The following SSBP3 variants were observed in gnomAD, a reference collection of about 807,000 sequenced individuals.
The protein encoded by SSBP3 is single-stranded DNA-binding protein 3.
In SSBP3, 5 loss-of-function variants were observed where a neutral mutation model predicts 69.6. That is an observed-to-expected ratio of 0.07 (90% CI 0.04 to 0.15). The LOEUF (loss-of-function observed/expected upper bound fraction) is 0.15, where lower values mean the gene tolerates loss of function less well. SSBP3 is among the 10% of genes least tolerant of loss of function. SSBP3 has a pLI of 1.00. For synonymous variants in SSBP3, 196 were observed against 193.4 expected, an observed-to-expected ratio of 1.01 and a Z score of -0.11; for missense variants, 312 against 534.0, an observed-to-expected ratio of 0.58 and a Z score of 4.10.
intron 4 of SSBP3, among the ~76,000 whole-genome samples, chr1:54,342,759 T>C (rs1458794552): frequency 6.6e-6 from 1 of 152,036 alleles, no homozygotes; most frequent in African/African-American, 2.4e-5. Flanking sequence ...TGTGTAAAAA[T>C]TATGTGAGGT....
intron 9 of SSBP3, among the ~76,000 whole-genome samples, chr1:54,245,633 G>GCTGA (rs1644721648): frequency 6.6e-6 from 1 of 152,224 alleles, no homozygotes; most frequent in Admixed American, 6.5e-5. Flanking sequence ...CACCAGGCTG[G>GCTGA]CTGACAAAGA....
chr1:54,241,574 CCT>C (rs1164539219), intron 11 of SSBP3, 65 bp from the exon 12 acceptor site: 2 of 1,532,956 alleles, frequency 1.3e-6, no homozygotes, highest in East Asian at 4.5e-5. Context: ...GCCAAACCTC[CCT>C]GAGGACACGA....
intron 4 of SSBP3, among the ~76,000 whole-genome samples, chr1:54,285,716 A>G (rs1227704747): frequency 6.6e-6 from 1 of 152,158 alleles, no homozygotes; most frequent in Non-Finnish European, 1.5e-5. Flanking sequence ...AAAGCGTCTC[A>G]TGAGTTTTCC....
At chr1:54,319,467 G>A (rs1008415320) in intron 4 of SSBP3, among the ~76,000 whole-genome samples, 6 of 152,156 alleles carry the variant, frequency 3.9e-5, no homozygotes, top group African/African-American at 1.4e-4. Context: ...GGGGAAGGAC[G>A]GGAAGCAGAA....
At chr1:54,370,473 G>A (rs926168062) in intron 4 of SSBP3, among the ~76,000 whole-genome samples, 4 of 152,208 alleles carry the variant, frequency 2.6e-5, no homozygotes, top group South Asian at 4.1e-4. Flanking sequence ...GAGGAATGCC[G>A]GAGTATGTGC....
intron 4 of SSBP3, among the ~76,000 whole-genome samples, chr1:54,314,744 G>A (rs1646065488): frequency 6.6e-6 from 1 of 152,196 alleles, no homozygotes; most frequent in Non-Finnish European, 1.5e-5. Context: ...TGGAGAGTGA[G>A]CTGCCTAGTT....
chr1:54,395,433 G>A (rs999909019), intron 4 of SSBP3, among the ~76,000 whole-genome samples: 5 of 152,234 alleles, frequency 3.3e-5, no homozygotes, highest in African/African-American at 1.2e-4. Flanking sequence ...GCCATATGCA[G>A]GAGTGGGACA....
intron 5 of SSBP3, among the ~76,000 whole-genome samples, chr1:54,260,792 A>T (rs1557471501): frequency 6.6e-6 from 1 of 152,248 alleles, no homozygotes; most frequent in Admixed American, 6.5e-5. Context: ...AAGAGCAGCT[A>T]GAAGTCTTCC....
chr1:54,234,127 T>C (rs542329793), intron 14 of SSBP3, among the ~76,000 whole-genome samples: 72 of 151,574 alleles, frequency 4.8e-4, no homozygotes, highest in African/African-American at 1.5e-3. Context: ...ATGTGCTTTG[T>C]TAAACAGATG....
chr1:54,386,568 C>T (rs1390004620), intron 4 of SSBP3, among the ~76,000 whole-genome samples: 2 of 152,004 alleles, frequency 1.3e-5, no homozygotes, highest in African/African-American at 2.4e-5. Context: ...AACGACACAG[C>T]ATCCGCCAGA....
chr1:54,259,559 T>C (rs1051237077), intron 5 of SSBP3, among the ~76,000 whole-genome samples: 10 of 152,216 alleles, frequency 6.6e-5, no homozygotes, highest in Non-Finnish European at 1.0e-4. Flanking sequence ...GGTTGGTTTT[T>C]AGAAAAATTC....
At chr1:54,324,118 A>T (rs1353125053) in intron 4 of SSBP3, among the ~76,000 whole-genome samples, 1 of 152,210 alleles carries the variant, frequency 6.6e-6, no homozygotes, top group Non-Finnish European at 1.5e-5. Flanking sequence ...GTTAGTGAGC[A>T]AGGAATGCTG....
At chr1:54,344,956 C>A (rs113981097) in intron 4 of SSBP3, among the ~76,000 whole-genome samples, 152 of 152,310 alleles carry the variant, frequency 1.0e-3, no homozygotes, top group African/African-American at 3.5e-3. Flanking sequence ...GCATTTGGTG[C>A]GTGTGGTTTT....
At chr1:54,243,411 T>A in intron 9 of SSBP3, 112 bp from the exon 10 acceptor site, 1 of 1,319,292 alleles carries the variant, frequency 7.6e-7, no homozygotes. Flanking sequence ...TGAAAAGGAT[T>A]GATGAGAAAA....
At chr1:54,370,794 A>C (rs996475416) in intron 4 of SSBP3, among the ~76,000 whole-genome samples, 1 of 152,098 alleles carries the variant, frequency 6.6e-6, no homozygotes, top group African/African-American at 2.4e-5. Context: ...CTTCCAAATC[A>C]ACAAAGAATG....
At chr1:54,252,063 C>T (rs1054151796) in intron 7 of SSBP3, among the ~76,000 whole-genome samples, 2 of 152,096 alleles carry the variant, frequency 1.3e-5, no homozygotes, top group Non-Finnish European at 2.9e-5. Context: ...ATAACTGTGG[C>T]GTTGTTTTGG....
intron 6 of SSBP3, 73 bp from the exon 7 acceptor site, chr1:54,257,259 C>A: frequency 1.5e-6 from 2 of 1,324,164 alleles, no homozygotes; most frequent in South Asian, 1.5e-5. Flanking sequence ...GCTCTCCACT[C>A]CACAAAGTCC....
At chr1:54,408,810 AG>A (rs1649917305), upstream of SSBP3, among the ~76,000 whole-genome samples, 2 of 152,214 alleles carry the variant, frequency 1.3e-5, no homozygotes, top group African/African-American at 2.4e-5. Context: ...AGAGAGGGGT[AG>A]GGTTCAGAGA....
intron 4 of SSBP3, among the ~76,000 whole-genome samples, chr1:54,281,783 G>A (rs1333054683): frequency 1.3e-5 from 2 of 152,046 alleles, no homozygotes; most frequent in African/African-American, 4.8e-5. Flanking sequence ...AACGAATTCC[G>A]AGGCTCTTTT....
Sources: gnomAD v4.1 joint callset for allele counts (sites outside exome capture counted in the v4.1 genomes callset) on GRCh38, gnomAD v4.1.1 for gene constraint, MANE v1.5 for transcripts, NCBI Gene and HGNC (gene_info 2026-07-23, HGNC 2026-07-21) for gene names.